The following FARSB variants were observed in gnomAD, a reference collection of about 807,000 sequenced individuals.
FARSB encodes the protein phenylalanine--tRNA ligase beta subunit.
In FARSB, 40 loss-of-function variants were observed where a neutral mutation model predicts 69.6. The ratio of observed to expected loss-of-function variants is 0.57; its 90% CI spans 0.45 to 0.75. The LOEUF (loss-of-function observed/expected upper bound fraction) is 0.75, where lower values mean the gene tolerates loss of function less well. FARSB is among the 30% of genes least tolerant of loss of function. The probability of loss-of-function intolerance (pLI) is 0.00; values close to 1 mark genes in which losing one functional copy is unlikely to be tolerated. For synonymous variants in FARSB, 235 were observed against 247.2 expected (o/e 0.95, Z 0.46); for missense variants, 632 against 722.9 (o/e 0.87, Z 1.44).
At chr2:222,591,833 G>C (rs1690282668) in intron 16 of FARSB, among the ~76,000 whole-genome samples, 1 of 152,146 alleles carries the variant, frequency 6.6e-6, no homozygotes, top group South Asian at 2.1e-4. Flanking sequence ...ATGGTTACCA[G>C]TAATAACCTT....
At chr2:222,654,338 A>T (rs534580057) in intron 1 of FARSB, among the ~76,000 whole-genome samples, 1 of 152,356 alleles carries the variant, frequency 6.6e-6, no homozygotes, top group African/African-American at 2.4e-5. Context: ...AAAAAAAATT[A>T]TTTAAAGTAT....
chr2:222,588,284 GA>G (rs1471609415), intron 16 of FARSB, among the ~76,000 whole-genome samples: 1 of 152,166 alleles, frequency 6.6e-6, no homozygotes, highest in Non-Finnish European at 1.5e-5. Context: ...AATAGATGCA[GA>G]AAAGGCCTTT....
intron 1 of FARSB, among the ~76,000 whole-genome samples, chr2:222,651,553 G>A (rs774068820): frequency 1.1e-4 from 17 of 152,100 alleles, no homozygotes; most frequent in Admixed American, 6.5e-5. Flanking sequence ...CCAACAAAGG[G>A]TGCTATTAAA....
chr2:222,596,838 ATATAT>A, intron 16 of FARSB, among the ~76,000 whole-genome samples: 1 of 152,316 alleles, frequency 6.6e-6, no homozygotes, highest in East Asian at 1.9e-4. Flanking sequence ...ACACATACAT[ATATAT>A]TAGATGAAAA....
chr2:222,595,583 T>C (rs6706391), intron 16 of FARSB, among the ~76,000 whole-genome samples: 147,303 of 152,280 alleles, frequency 0.97, 71,287 homozygotes, highest in East Asian at 1. Flanking sequence ...TCTAAACCTT[T>C]TGTCTCTCCA....
chr2:222,580,379 G>A (rs1321883724), intron 16 of FARSB, among the ~76,000 whole-genome samples: 1 of 151,854 alleles, frequency 6.6e-6, no homozygotes, highest in Non-Finnish European at 1.5e-5. Context: ...AGTACTAAAG[G>A]TGAGGCATAG....
chr2:222,587,815 T>C (rs1169635709), intron 16 of FARSB, among the ~76,000 whole-genome samples: 1 of 152,136 alleles, frequency 6.6e-6, no homozygotes, highest in African/African-American at 2.4e-5. Context: ...CAGGAAGAAT[T>C]TGAATCCCTG....
At chr2:222,626,115 G>A (rs1691263402) in intron 10 of FARSB, among the ~76,000 whole-genome samples, 1 of 151,948 alleles carries the variant, frequency 6.6e-6, no homozygotes, top group Admixed American at 6.6e-5. Flanking sequence ...TGGGCATGGT[G>A]GCACAAGCCT....
chr2:222,639,805 A>G, intron 4 of FARSB, 110 bp from the exon 5 acceptor site: 1 of 437,954 alleles, frequency 2.3e-6, no homozygotes, highest in Non-Finnish European at 4.1e-6. Flanking sequence ...TTTCATTCAA[A>G]CAAGTATATA....
intron 1 of FARSB, 118 bp downstream of exon 1, chr2:222,655,898 C>T: frequency 2.5e-6 from 2 of 814,646 alleles, no homozygotes; most frequent in South Asian, 1.5e-5. Flanking sequence ...CGCGTAAACC[C>T]CGGCCTCCCG....
intron 16 of FARSB, among the ~76,000 whole-genome samples, chr2:222,590,548 CAAAAA>C (rs377051875): frequency 1.8e-5 from 2 of 114,058 alleles, no homozygotes; most frequent in Admixed American, 9.2e-5. Context: ...CCTTTTAGGC[CAAAAA>C]AAAAAAAAAA....
intron 16 of FARSB, among the ~76,000 whole-genome samples, chr2:222,580,094 A>G (rs1689929133): frequency 6.6e-6 from 1 of 151,946 alleles, no homozygotes; most frequent in Middle Eastern, 3.2e-3. Flanking sequence ...TATTCATTAC[A>G]TATAAGTAAA....
rs1313093059 is a variant in FARSB at position 222,569,490 on chromosome 2, T to C, written c.*2381A>G. On this transcript the variant is annotated 3_prime_UTR_variant, in exon 17 of 17. Coordinates refer to ENST00000281828, the MANE Select transcript of FARSB (RefSeq NM_005687.5). Reference sequence around the variant, plus strand: ...ATTTCTCTAGGCATTTATCAACTGGTGTTATGTAGTTAAAATCAGTAAAAT... The same window carrying C: ...ATTTCTCTAGGCATTTATCAACTGGCGTTATGTAGTTAAAATCAGTAAAAT... 3.3e-5 allele frequency: 5 copies of C among 152,202 alleles called. No homozygotes were observed. The highest frequency in any genetic ancestry group is 1.2e-4 in the African/African-American group (5 of 41,464). 9.4% of individuals were successfully genotyped at this position (152,202 alleles called of 1,614,324 possible). A position where few individuals can be genotyped will look rare whatever the true frequency, so the allele number is the denominator to read the frequency against.
At chr2:222,601,636 A>C (rs1015037811) in intron 15 of FARSB, among the ~76,000 whole-genome samples, 1 of 152,140 alleles carries the variant, frequency 6.6e-6, no homozygotes, top group Admixed American at 6.5e-5. Flanking sequence ...AAACTAAAAC[A>C]AACTTACAAA....
intron 15 of FARSB, 68 bp downstream of exon 15, chr2:222,613,743 G>T: frequency 9.8e-7 from 1 of 1,017,890 alleles, no homozygotes. Context: ...TTTATGTATA[G>T]TTAAGGTTTT....
At chr2:222,616,464 T>C (rs1371383126) in intron 14 of FARSB, among the ~76,000 whole-genome samples, 1 of 145,160 alleles carries the variant, frequency 6.9e-6, no homozygotes, top group Non-Finnish European at 1.5e-5. Flanking sequence ...GGAGAATTGC[T>C]TGAACCCAGA....
rs375837240 is a variant in FARSB at position 222,597,871 on chromosome 2, C to G, written c.1618+2057G>C. Among the ~76,000 whole-genome samples, 3 of 152,282 alleles carry G rather than the reference C, an allele frequency of 2.0e-5. No individual in the cohort carries two copies. In the East Asian group the frequency reaches 5.8e-4, roughly 29 times the overall value. On this transcript the variant is annotated intron_variant, in intron 16 of 16. Transcript: ENST00000281828. ...TTTTAAAGTACAGATCTAATATCAC[C>G]TACCTGCTTTAAAAGAAGAAAAAAA...
chr2:222,585,980 C>G (rs1690102512), intron 16 of FARSB, among the ~76,000 whole-genome samples: 1 of 152,162 alleles, frequency 6.6e-6, no homozygotes, highest in Admixed American at 6.5e-5. Flanking sequence ...CCTAGCAAGG[C>G]AGGCCACCAT....
intron 11 of FARSB, 95 bp from the exon 12 acceptor site, chr2:222,624,574 C>T (rs2290031): frequency 0.34 from 326,226 of 957,164 alleles, 58,567 homozygotes; most frequent in Non-Finnish European, 0.37. Flanking sequence ...AAACAGTAAC[C>T]TTTCTTTTTG....
Sources: allele counts gnomAD v4.1 joint callset (sites outside exome capture counted in the v4.1 genomes callset), GRCh38; gene constraint gnomAD v4.1.1; transcripts MANE v1.5; gene names NCBI Gene and HGNC (gene_info 2026-07-23, HGNC 2026-07-21).